Variants in THADA observed in about 807,000 individuals in gnomAD.
THADA encodes the protein THADA armadillo repeat containing, also known as tRNA (32-2'-O)-methyltransferase regulator THADA.
In THADA, 213 loss-of-function variants were observed where a neutral mutation model predicts 219.8. That is an observed-to-expected ratio of 0.97 (90% CI 0.87 to 1.09). The LOEUF (loss-of-function observed/expected upper bound fraction) is 1.09. THADA is among the 50% of genes least tolerant of loss of function. THADA has a pLI of 0.00. For missense variants in THADA, 2,956 were observed against 2,311.3 expected, an observed-to-expected ratio of 1.28 and a Z score of -5.72; for synonymous variants, 1,018 against 828.9, an observed-to-expected ratio of 1.23 and a Z score of -3.92.
At chr2:43,280,507 C>T (rs548998172) in intron 35 of THADA, among the ~76,000 whole-genome samples, 3 of 152,240 alleles carry the variant, frequency 2.0e-5, no homozygotes, top group Non-Finnish European at 4.4e-5. Flanking sequence ...TGACGGGCGC[C>T]TGTATTCCCA....
intron 29 of THADA, among the ~76,000 whole-genome samples, chr2:43,388,370 C>T (rs930772102): frequency 6.6e-6 from 1 of 151,848 alleles, no homozygotes; most frequent in Admixed American, 6.5e-5. Flanking sequence ...AAGTCTCAGA[C>T]AGTAAGAGTG....
At chr2:43,484,550 T>C (rs1686647701) in intron 26 of THADA, 1 of 168,930 alleles carries the variant, frequency 5.9e-6, no homozygotes. Flanking sequence ...TCCTCTTAAG[T>C]GCTAAAAAAC....
At chr2:43,252,886 T>G (rs939677962) in intron 36 of THADA, among the ~76,000 whole-genome samples, 5 of 152,220 alleles carry the variant, frequency 3.3e-5, no homozygotes, top group African/African-American at 1.2e-4. Flanking sequence ...GGAATCTCCA[T>G]GTCCTCTGGT....
At chr2:43,536,962 T>C (rs1379399028) in intron 21 of THADA, among the ~76,000 whole-genome samples, 3 of 152,210 alleles carry the variant, frequency 2.0e-5, no homozygotes, top group African/African-American at 7.2e-5. Flanking sequence ...TACTATAAAG[T>C]AGTGAGCCTT....
At chr2:43,355,275 T>C (rs1432418903) in intron 29 of THADA, among the ~76,000 whole-genome samples, 2 of 152,190 alleles carry the variant, frequency 1.3e-5, no homozygotes, top group African/African-American at 2.4e-5. Context: ...CTGGATCATA[T>C]GGTATTCTAG....
chr2:43,294,888 G>A (rs1323574715), intron 31 of THADA, among the ~76,000 whole-genome samples: 1 of 152,184 alleles, frequency 6.6e-6, no homozygotes, highest in Admixed American at 6.5e-5. Flanking sequence ...ACTAGGGAAT[G>A]AGGGTGCGGA....
In THADA at chr2:43,263,169, T is replaced by C. The variant is rs145152450; in HGVS notation, c.5296+16596A>G. Among the ~76,000 whole-genome samples, 663 of 152,256 alleles carry C rather than the reference T, an allele frequency of 4.4e-3. 2 individuals carry two copies. Among genetic ancestry groups the C allele is most frequent in the South Asian group, 6.4e-3 (31 of 4,828 alleles). ...ACGGCACTTCCTGGGTATACACTAA[T>C]CCCTCCCCAGTAGCCCATCCAACAG... On this transcript the variant is annotated intron_variant, in intron 36 of 37. Coordinates refer to ENST00000405975, the MANE Select transcript of THADA (RefSeq NM_022065.5).
intron 31 of THADA, among the ~76,000 whole-genome samples, chr2:43,299,228 A>G (rs1675962776): frequency 6.6e-6 from 1 of 152,134 alleles, no homozygotes; most frequent in Non-Finnish European, 1.5e-5. Context: ...GTTTGGTCCC[A>G]AGCATTTTGG....
At chr2:43,240,462 C>T (rs1226542496) in intron 36 of THADA, among the ~76,000 whole-genome samples, 1 of 152,194 alleles carries the variant, frequency 6.6e-6, no homozygotes, top group African/African-American at 2.4e-5. Flanking sequence ...CTCGGTTCAG[C>T]TGACTCTGCC....
chr2:43,485,764 T>A (rs1003051111), intron 25 of THADA, among the ~76,000 whole-genome samples: 44 of 152,144 alleles, frequency 2.9e-4, no homozygotes, highest in African/African-American at 1.0e-3. Flanking sequence ...GCCCAGTGGC[T>A]TACACCTGTA....
At chr2:43,558,623 C>G (rs1025127375) in intron 16 of THADA, among the ~76,000 whole-genome samples, 1 of 152,194 alleles carries the variant, frequency 6.6e-6, no homozygotes. Flanking sequence ...TGGATGCTTC[C>G]TGCGCTGGAA....
rs546104158 is a variant in THADA, at chr2:43,566,150, T to C, written c.2311+548A>G. ...AAAAAATGAAACAAAAAAAAAAGAT[T>C]CAAAGAGGGAACTGAAATTTGACCC... On this transcript the variant is annotated intron_variant, in intron 15 of 37. Transcript: ENST00000405975. 9.3e-6 allele frequency: 3 copies of C among 321,716 alleles called. No homozygotes were observed. The East Asian group carries it at 1.5e-4, about 16-fold the overall frequency. 19.9% of individuals were successfully genotyped at this position (321,716 alleles called of 1,614,324 possible). A position where few individuals can be genotyped will look rare whatever the true frequency, so the allele number is the denominator to read the frequency against.
At chr2:43,266,736 A>G (rs1671567235) in intron 36 of THADA, among the ~76,000 whole-genome samples, 1 of 152,148 alleles carries the variant, frequency 6.6e-6, no homozygotes, top group Admixed American at 6.5e-5. Context: ...TGTGGGTCTG[A>G]CTCAAGGAGA....
chr2:43,566,482 G>C (rs1380474895), intron 15 of THADA: 1 of 721,724 alleles, frequency 1.4e-6, no homozygotes, highest in Admixed American at 2.0e-5. Flanking sequence ...ATTATACTTT[G>C]GGGTTGGCAA....
chr2:43,265,628 G>A (rs1162721521), intron 36 of THADA, among the ~76,000 whole-genome samples: 1 of 152,174 alleles, frequency 6.6e-6, no homozygotes, highest in East Asian at 1.9e-4. Flanking sequence ...CAAGGGCCGG[G>A]CAGGCAGGAG....
intron 28 of THADA, among the ~76,000 whole-genome samples, chr2:43,427,746 G>T (rs1306344954): frequency 6.7e-6 from 1 of 149,554 alleles, no homozygotes; most frequent in East Asian, 2.0e-4. Context: ...CACAAGGTCA[G>T]GAGATCGAGA....
At chr2:43,459,260 C>A (rs996639622) in intron 26 of THADA, among the ~76,000 whole-genome samples, 3 of 152,190 alleles carry the variant, frequency 2.0e-5, no homozygotes, top group African/African-American at 7.2e-5. Context: ...CACCTCCACT[C>A]CTCTTTCCCA....
intron 26 of THADA, among the ~76,000 whole-genome samples, chr2:43,463,750 A>T (rs1683910859): frequency 1.3e-5 from 2 of 152,166 alleles, no homozygotes; most frequent in African/African-American, 4.8e-5. Flanking sequence ...AAAAATTTTT[A>T]TTCTTTTGAA....
At position 43,366,876 on chromosome 2, in the gene THADA, C is replaced by T. The variant is rs115776048; in HGVS notation, c.4228-22639G>A. Among the ~76,000 whole-genome samples, 87 of 152,292 alleles carry T rather than the reference C, an allele frequency of 5.7e-4. 1 individual carries two copies. Among genetic ancestry groups the T allele is most frequent in the African/African-American group, 1.9e-3 (78 of 41,560 alleles). On this transcript the variant is annotated intron_variant, in intron 29 of 37. Coordinates refer to ENST00000405975, the MANE Select transcript of THADA (RefSeq NM_022065.5). Reference sequence around the variant, plus strand: ...GATCATGTACAGCAGATTGTACAGCCATGTTCAATGTACAGCAAATAATGT... The same window carrying T: ...GATCATGTACAGCAGATTGTACAGCTATGTTCAATGTACAGCAAATAATGT...
Sources: allele counts gnomAD v4.1 joint callset (sites outside exome capture counted in the v4.1 genomes callset), GRCh38; gene constraint gnomAD v4.1.1; transcripts MANE v1.5; gene names NCBI Gene and HGNC (gene_info 2026-07-23, HGNC 2026-07-21).